The following CCDC112 variants were observed in gnomAD, a reference collection of about 807,000 sequenced individuals.
CCDC112 encodes coiled-coil domain-containing protein 112.
CCDC112 carries 40 observed loss-of-function variants against 66.3 expected under a neutral mutation model. The observed-to-expected ratio is 0.60, with a 90% CI of 0.47 to 0.79. The LOEUF is 0.79. Ranked by LOEUF, CCDC112 falls within the 30% of genes least tolerant of loss-of-function variation. CCDC112 has a pLI of 0.00. For synonymous variants in CCDC112, 214 were observed against 197.2 expected (o/e 1.09, Z -0.71); for missense variants, 659 against 603.8 (o/e 1.09, Z -0.96).
At chr5:115,277,208 T>C (rs1749243938) in intron 3 of CCDC112, 154 bp from the exon 4 acceptor site, 1 of 536,024 alleles carries the variant, frequency 1.9e-6, no homozygotes, top group Admixed American at 3.3e-5. Context: ...ATACTTTAAG[T>C]ACCTTTGTTC....
intron 4 of CCDC112, among the ~76,000 whole-genome samples, chr5:115,276,703 C>A (rs1411200387): frequency 6.6e-6 from 1 of 152,116 alleles, no homozygotes; most frequent in African/African-American, 2.4e-5. Flanking sequence ...GTTCTGCCTA[C>A]CTTATAATTT....
chr5:115,269,090 A>C lies in CCDC112; in HGVS notation c.1429-90T>G, dbSNP rs559672589. ...AAAAGCCTTAGTGCAGTTTTAAAAG[A>C]CATAGTTGATATTGGCTAATAAAAC... On this transcript the variant is annotated intron_variant, in intron 8 of 9. Coordinates refer to ENST00000379611, the MANE Select transcript of CCDC112 (RefSeq NM_001040440.3). The C allele has an allele frequency of 3.7e-4, 244 of 660,168 alleles. 1 individual carries two copies. In the South Asian group the frequency reaches 6.3e-3, roughly 17 times the overall value. 40.9% of individuals were successfully genotyped at this position (660,168 alleles called of 1,614,324 possible). A position where few individuals can be genotyped will look rare whatever the true frequency, so the allele number is the denominator to read the frequency against.
chr5:115,287,195 T>C (rs985785485), intron 1 of CCDC112, among the ~76,000 whole-genome samples: 2 of 152,224 alleles, frequency 1.3e-5, no homozygotes, highest in Non-Finnish European at 2.9e-5. Flanking sequence ...ATAACTGTTA[T>C]CGTCTGTCTT....
intron 9 of CCDC112, 59 bp downstream of exon 9, chr5:115,268,823 A>AGC (rs1394823697): frequency 3.5e-6 from 3 of 861,004 alleles, no homozygotes; most frequent in Non-Finnish European, 5.3e-6. Context: ...TAAGTGCATA[A>AGC]AATATAAACA....
rs550052006 is a variant in CCDC112 at position 115,279,559 on chromosome 5, T to C, written c.361+88A>G. ...CTGACTCTATTGATAGAGAACACAA[T>C]ACAGTCAATGCACAAAGACAAAGCA... On this transcript the variant is annotated intron_variant, in intron 3 of 9. Coordinates refer to ENST00000379611, the MANE Select transcript of CCDC112 (RefSeq NM_001040440.3). 20 of 1,292,718 alleles carry C rather than the reference T, an allele frequency of 1.5e-5. No individual in the cohort carries two copies. In the East Asian group the frequency reaches 1.9e-4, roughly 12 times the overall value. The allele number at this position is 1,292,718 out of a possible 1,614,324, so 80.1% of individuals were successfully genotyped here.
At chr5:115,272,224 A>G (rs1257117794) in intron 6 of CCDC112, among the ~76,000 whole-genome samples, 1 of 152,088 alleles carries the variant, frequency 6.6e-6, no homozygotes, top group African/African-American at 2.4e-5. Flanking sequence ...TGCCAGGCCT[A>G]TCTGCTCCTT....
intron 4 of CCDC112, among the ~76,000 whole-genome samples, chr5:115,276,700 C>T (rs928721725): frequency 2.0e-5 from 3 of 152,074 alleles, no homozygotes; most frequent in Non-Finnish European, 2.9e-5. Flanking sequence ...TGTGTTCTGC[C>T]TACCTTATAA....
Position 115,269,003 on chromosome 5 carries a change from G to A in CCDC112, c.1429-3C>T. 1 of 1,519,602 alleles carries A rather than the reference G, an allele frequency of 6.6e-7. No homozygotes were observed. Among genetic ancestry groups the A allele is most frequent in the African/African-American group, 1.4e-5 (1 of 71,656 alleles). The allele number at this position is 1,519,602 out of a possible 1,614,324, so 94.1% of individuals were successfully genotyped here. Reference sequence around the variant, plus strand: ...TCTCTACTAACATTGTTTTCAACCTGTAATCAGAAGTAAAATAGTACCAGT... The same window carrying A: ...TCTCTACTAACATTGTTTTCAACCTATAATCAGAAGTAAAATAGTACCAGT... On this transcript the variant is annotated splice_polypyrimidine_tract_variant and splice_region_variant and intron_variant, in intron 8 of 9. Coordinates refer to ENST00000379611, the MANE Select transcript of CCDC112 (RefSeq NM_001040440.3).
At chr5:115,278,394 C>T (rs570081146) in intron 3 of CCDC112, among the ~76,000 whole-genome samples, 1 of 152,070 alleles carries the variant, frequency 6.6e-6, no homozygotes, top group African/African-American at 2.4e-5. Context: ...AACTTCTCTA[C>T]ACTAAGGCAA....
intron 2 of CCDC112, among the ~76,000 whole-genome samples, chr5:115,281,017 C>T (rs1749431539): frequency 6.7e-6 from 1 of 150,128 alleles, no homozygotes; most frequent in Non-Finnish European, 1.5e-5. Flanking sequence ...CTTTGCCATA[C>T]ATAGAGAATT....
chr5:115,285,310 C>T (rs1187862961), intron 1 of CCDC112, among the ~76,000 whole-genome samples: 1 of 151,946 alleles, frequency 6.6e-6, no homozygotes, highest in Non-Finnish European at 1.5e-5. Context: ...TAAGAGTAAA[C>T]AAGCAATAAA....
intron 6 of CCDC112, among the ~76,000 whole-genome samples, chr5:115,273,018 A>G (rs768265137): frequency 1.3e-5 from 2 of 152,246 alleles, no homozygotes; most frequent in Non-Finnish European, 2.9e-5. Context: ...ATCCCACTGT[A>G]AACCAGTAAC....
intron 1 of CCDC112, among the ~76,000 whole-genome samples, chr5:115,291,023 T>G (rs975699176): frequency 1.1e-4 from 16 of 152,110 alleles, no homozygotes; most frequent in Non-Finnish European, 1.5e-4. Context: ...TTTCAGTGAG[T>G]AAAGTGGTAA....
In CCDC112 at chr5:115,271,550, G is replaced by A; in HGVS notation, c.995C>T (p.Thr332Ile). Residue 332 changes from threonine to isoleucine, a missense_variant, in exon 7 of 10, where the codon ACA (threonine) becomes ATA (isoleucine). Transcript: ENST00000379611. Reference sequence around the variant, plus strand: ...TTGTTTATTATGAAAAAGCACAGGTGTGTTGTCTGCCTTTTCCTTTAACTT... The same window carrying A: ...TTGTTTATTATGAAAAAGCACAGGTATGTTGTCTGCCTTTTCCTTTAACTT... ...IFKLKEKADN[T>I]PVLFHNKQED... 1.3e-6 allele frequency: 2 copies of A among 1,599,466 alleles called. No individual in the cohort carries two copies. The highest frequency in any genetic ancestry group is 1.7e-6 in the Non-Finnish European group (2 of 1,176,284).
At position 115,275,408 on chromosome 5, in the gene CCDC112, T is replaced by C. The variant is rs1749163467; in HGVS notation, c.726A>G (p.Gln242=). ...CCCAGGCACCTTGTCGCCCTCCTGT[T>C]TGCTGAAGGAATTTTTCAAAATCTA... ...EVLDFEKFLQ[Q]TGGRQGAWDD... The change falls in exon 6 of 10, where the codon CAA becomes CAG. Residue 242 remains glutamine (Q), a synonymous_variant. Transcript: ENST00000379611. 1.2e-6 allele frequency: 2 copies of C among 1,613,940 alleles called. No homozygotes were observed. Among genetic ancestry groups the C allele is most frequent in the Admixed American group, 3.3e-5 (2 of 59,992 alleles).
At position 115,275,980 on chromosome 5, in the gene CCDC112, A is replaced by G. The variant is rs867495017; in HGVS notation, c.527+14T>C. 6.5e-7 allele frequency: 1 copy of G among 1,529,316 alleles called. No individual in the cohort carries two copies. Among genetic ancestry groups the G allele is most frequent in the Middle Eastern group, 1.7e-4 (1 of 5,874 alleles). 94.7% of individuals were successfully genotyped at this position (1,529,316 alleles called of 1,614,324 possible). A position where few individuals can be genotyped will look rare whatever the true frequency, so the allele number is the denominator to read the frequency against. On this transcript the variant is annotated intron_variant, in intron 5 of 9. Transcript: ENST00000379611. ...AGGTCAATAATTTTATATTAAAATG[A>G]GTTTAAAACATACATCAACCTCTGC... is the stretch of plus-strand genomic sequence containing the variant.
In CCDC112 at chr5:115,275,507, C is replaced by T. The variant is rs191617313; in HGVS notation, c.627G>A (p.Glu209=). 6.2e-7 allele frequency: 1 copy of T among 1,613,810 alleles called. No homozygotes were observed. Among genetic ancestry groups the T allele is most frequent in the African/African-American group, 1.3e-5 (1 of 74,890 alleles). The change falls in exon 6 of 10, where the codon GAG becomes GAA. Residue 209 remains glutamate (E), a synonymous_variant. Transcript: ENST00000379611. ...DTWALGNSET[E]KAFRAISSKV... is the part of the protein sequence containing the mutation. ...TGCTTGAGATTGCTCTGAAAGCTTT[C>T]TCTGTTTCTGAATTACCCAAAGCCC... is the stretch of plus-strand genomic sequence containing the variant.
intron 6 of CCDC112, among the ~76,000 whole-genome samples, chr5:115,272,603 G>C (rs1029975930): frequency 6.6e-6 from 1 of 152,210 alleles, no homozygotes; most frequent in Non-Finnish European, 1.5e-5. Context: ...AATAGCTACA[G>C]AGCTGTCTTT....
intron 5 of CCDC112, among the ~76,000 whole-genome samples, 184 bp downstream of exon 5, chr5:115,275,810 T>C (rs551799672): frequency 3.9e-5 from 6 of 152,192 alleles, no homozygotes; most frequent in African/African-American, 1.2e-4. Context: ...TAACTAAATA[T>C]GAATAAAATT....
Sources: allele counts gnomAD v4.1 joint callset (sites outside exome capture counted in the v4.1 genomes callset), GRCh38; gene constraint gnomAD v4.1.1; transcripts MANE v1.5; gene names NCBI Gene and HGNC (gene_info 2026-07-23, HGNC 2026-07-21).